The following WHR1 variants were observed in gnomAD, a reference collection of about 807,000 sequenced individuals.
WHR1 encodes winged helix repair factor 1.
At chr6:31,975,588 C>A in the WHR1 span, among the ~76,000 whole-genome samples, 4 of 151,620 alleles carry the variant, frequency 2.6e-5, no homozygotes, top group Non-Finnish European at 5.9e-5. Flanking sequence ...CCTGCCTCGG[C>A]CTCCCAAAGT....
the WHR1 span, chr6:31,971,881 C>A: frequency 1.4e-6 from 2 of 1,462,920 alleles, no homozygotes; most frequent in Non-Finnish European, 1.8e-6. The surrounding 1 kb of genome is among the most constrained non-coding windows in gnomAD (Gnocchi z 4.5). Context: ...CCTCCAAATG[C>A]AGTGAGGTTA....
chr6:31,975,702 A>G, the WHR1 span, among the ~76,000 whole-genome samples: 1 of 145,242 alleles, frequency 6.9e-6, no homozygotes, highest in Non-Finnish European at 1.5e-5. Context: ...CACGGCAACC[A>G]TCCGATTTCT....
At chr6:31,976,078 G>C in the WHR1 span, among the ~76,000 whole-genome samples, 11 of 147,708 alleles carry the variant, frequency 7.4e-5, no homozygotes, top group Non-Finnish European at 1.1e-4. Flanking sequence ...CGGCTGGCCG[G>C]GTGGGGGGCT....
chr6:31,972,993 T>C, the WHR1 span: 1 of 744,518 alleles, frequency 1.3e-6, no homozygotes, highest in Non-Finnish European at 2.3e-6. This position sits in a 1 kb window ranked among gnomAD's most constrained non-coding sequence, Gnocchi z 6.3. Flanking sequence ...GGGGCATGGT[T>C]CGAACATACA....
chr6:31,978,086 C>T, the WHR1 span, among the ~76,000 whole-genome samples: 1 of 152,208 alleles, frequency 6.6e-6, no homozygotes, highest in African/African-American at 2.4e-5. Flanking sequence ...TCTCGCCCGG[C>T]CTACTTAGAT....
the WHR1 span, among the ~76,000 whole-genome samples, chr6:31,977,013 C>T: frequency 0.043 from 6,609 of 152,284 alleles, 238 homozygotes; most frequent in East Asian, 0.16. Context: ...AGCTTCGGCT[C>T]GGCATCAGAG....
At chr6:31,978,870 C>G in the WHR1 span, 1 of 1,604,100 alleles carries the variant, frequency 6.2e-7, no homozygotes, top group Non-Finnish European at 8.5e-7. Flanking sequence ...TACCCTGATA[C>G]GCCTCTTTTC....
the WHR1 span, chr6:31,972,675 T>C: frequency 6.2e-7 from 1 of 1,613,852 alleles, no homozygotes; most frequent in Non-Finnish European, 8.5e-7. The surrounding 1 kb of genome is among the most constrained non-coding windows in gnomAD (Gnocchi z 6.3). Flanking sequence ...CGAGGCCTGT[T>C]TGAGGACGCG....
chr6:31,980,152 C>T, the WHR1 span: 18 of 418,252 alleles, frequency 4.3e-5, no homozygotes, highest in Non-Finnish European at 7.7e-5. Flanking sequence ...GTCCTAAGAC[C>T]GAATGTGTGT....
At chr6:31,976,649 G>A in the WHR1 span, among the ~76,000 whole-genome samples, 4 of 152,214 alleles carry the variant, frequency 2.6e-5, no homozygotes, top group Non-Finnish European at 4.4e-5. Flanking sequence ...GGTGGCGGCC[G>A]GGCAGAGGCT....
the WHR1 span, chr6:31,973,066 C>A: frequency 1.6e-6 from 1 of 639,916 alleles, no homozygotes; most frequent in Non-Finnish European, 2.9e-6. Flanking sequence ...TTGTTTCCAT[C>A]TTACACTGAG....
At chr6:31,977,241 G>T in the WHR1 span, among the ~76,000 whole-genome samples, 1 of 151,560 alleles carries the variant, frequency 6.6e-6, no homozygotes, top group Admixed American at 6.6e-5. Flanking sequence ...GTATGATCTT[G>T]GCTCACTGCA....
At chr6:31,971,892 G>A in the WHR1 span, 1 of 1,498,912 alleles carries the variant, frequency 6.7e-7, no homozygotes, top group Non-Finnish European at 8.9e-7. The surrounding 1 kb of genome is among the most constrained non-coding windows in gnomAD (Gnocchi z 4.5). Flanking sequence ...AGTGAGGTTA[G>A]GAAGGACGTC....
chr6:31,973,120 A>G, the WHR1 span: 34,088 of 487,050 alleles, frequency 0.07, 1,926 homozygotes, highest in Non-Finnish European at 0.1. Flanking sequence ...GGAATGGTGT[A>G]TTGGAGATAG....
chr6:31,972,565 G>A, the WHR1 span: 2,261 of 1,595,692 alleles, frequency 1.4e-3, 7 homozygotes, highest in Non-Finnish European at 1.2e-3. This position sits in a 1 kb window ranked among gnomAD's most constrained non-coding sequence, Gnocchi z 6.3. Context: ...CGAGAGTTTT[G>A]TTAGAACCGC....
chr6:31,980,997 T>C, the WHR1 span: 62 of 548,794 alleles, frequency 1.1e-4, 2 homozygotes, highest in East Asian at 1.8e-3. Flanking sequence ...GTCTTTCTCC[T>C]GCACAGCATC....
the WHR1 span, chr6:31,972,778 C>A: frequency 6.2e-7 from 1 of 1,608,008 alleles, no homozygotes; most frequent in Non-Finnish European, 8.5e-7. This position sits in a 1 kb window ranked among gnomAD's most constrained non-coding sequence, Gnocchi z 6.3. Flanking sequence ...TCGGTGCGAC[C>A]GCCGGAAGCC....
the WHR1 span, chr6:31,972,021 G>C: frequency 6.2e-7 from 1 of 1,607,898 alleles, no homozygotes; most frequent in Non-Finnish European, 8.5e-7. The surrounding 1 kb of genome is among the most constrained non-coding windows in gnomAD (Gnocchi z 6.3). Flanking sequence ...TTCTGCTTTC[G>C]ATGATGCAAT....
chr6:31,976,785 C>T, the WHR1 span, among the ~76,000 whole-genome samples: 1 of 152,270 alleles, frequency 6.6e-6, no homozygotes, highest in Non-Finnish European at 1.5e-5. Context: ...ACACCGTCTG[C>T]AATCGCGGCA....
Sources: gnomAD v4.1 joint callset for allele counts (sites outside exome capture counted in the v4.1 genomes callset) on GRCh38, gnomAD v4.1.1 for gene constraint, Gnocchi (gnomAD v3.1) non-coding constraint, MANE v1.5 for transcripts, NCBI Gene and HGNC (gene_info 2026-07-23, HGNC 2026-07-21) for gene names.